The following HMCN2 variants were observed in gnomAD, a reference collection of about 807,000 sequenced individuals.
HMCN2 encodes the protein hemicentin-2.
HMCN2 carries 325 observed loss-of-function variants against 377.5 expected under a neutral mutation model. The ratio of observed to expected loss-of-function variants is 0.86; its 90% CI spans 0.79 to 0.94. The LOEUF is 0.94. HMCN2 is among the 40% of genes least tolerant of loss of function. HMCN2 has a pLI of 0.00. For synonymous variants in HMCN2, 2,007 were observed against 2,046.8 expected (o/e 0.98, Z 0.53); for missense variants, 4,543 against 4,725.3 (o/e 0.96, Z 1.13).
intron 43 of HMCN2, among the ~76,000 whole-genome samples, chr9:130,366,388 T>C (rs927595620): frequency 5.9e-5 from 9 of 152,000 alleles, no homozygotes; most frequent in African/African-American, 1.9e-4. Context: ...TGAGGCACCA[T>C]GTTGACCACC....
rs993878138 is a variant in HMCN2, at chr9:130,396,352, G to A, written c.11198+39G>A. The A allele has an allele frequency of 4.0e-6, 5 of 1,240,396 alleles. No individual in the cohort carries two copies. In the African/African-American group the frequency reaches 6.2e-5, roughly 15 times the overall value. 76.8% of individuals were successfully genotyped at this position (1,240,396 alleles called of 1,614,324 possible). A position where few individuals can be genotyped will look rare whatever the true frequency, so the allele number is the denominator to read the frequency against. ...GGGGTGGGCCTCAGGGAGGCTCTCAGGTGCCACTTTGTGGGTTGCAAATCA... is the reference window on the plus strand; with the variant it reads ...GGGGTGGGCCTCAGGGAGGCTCTCAAGTGCCACTTTGTGGGTTGCAAATCA... On this transcript the variant is annotated intron_variant, in intron 73 of 97. Coordinates refer to ENST00000683500, the MANE Select transcript of HMCN2 (RefSeq NM_001291815.2).
intron 15 of HMCN2, among the ~76,000 whole-genome samples, chr9:130,310,850 C>T (rs1837210295): frequency 6.6e-6 from 1 of 152,184 alleles, no homozygotes; most frequent in African/African-American, 2.4e-5. Flanking sequence ...CTCAGTTTCC[C>T]ATGTGTAAAG....
At chr9:130,403,099 T>C in intron 78 of HMCN2, 95 bp from the exon 79 acceptor site, 1 of 1,181,812 alleles carries the variant, frequency 8.5e-7, no homozygotes. Flanking sequence ...CCCGTTCTCC[T>C]TAGAGGCCTC....
chr9:130,396,437 A>C, intron 73 of HMCN2, 124 bp downstream of exon 73: 8 of 765,092 alleles, frequency 1.0e-5, no homozygotes, highest in Non-Finnish European at 1.3e-5. Context: ...GGGGTGTCTC[A>C]GAACACAAGG....
chr9:130,358,209 C>A, intron 35 of HMCN2, 181 bp from the exon 36 acceptor site: 2 of 486,210 alleles, frequency 4.1e-6, no homozygotes, highest in Non-Finnish European at 5.4e-6. Flanking sequence ...GAATGGTATG[C>A]CTGGAGATCG....
intron 1 of HMCN2, among the ~76,000 whole-genome samples, chr9:130,269,266 CTTTTTTTTTTT>C (rs56326154): frequency 8.6e-6 from 1 of 116,558 alleles, no homozygotes; most frequent in Admixed American, 8.7e-5. Flanking sequence ...GCCCTGGTTC[CTTTTTTTTTTT>C]TTTTTTTTTG....
intron 51 of HMCN2, among the ~76,000 whole-genome samples, 200 bp downstream of exon 51, chr9:130,376,189 C>A (rs1330059708): frequency 1.8e-4 from 28 of 152,178 alleles, no homozygotes; most frequent in Admixed American, 1.8e-3. Flanking sequence ...GCCACTTGGG[C>A]TCCCAGACCC....
rs903130151 is a variant in HMCN2 at position 130,327,853 on chromosome 9, G to A, written c.3359+378G>A. Among the ~76,000 whole-genome samples the A allele has an allele frequency of 5.2e-3, 788 of 152,314 alleles. 7 individuals carry two copies. The highest frequency in any genetic ancestry group is 0.016 in the African/African-American group (658 of 41,576). On this transcript the variant is annotated intron_variant, in intron 22 of 97. Transcript: ENST00000683500. ...AGGGCTGGGACCACGTCCCCGCCAC[G>A]ACACACACCACCCCCATGCCTGCTC...
rs1220816917 is a variant in HMCN2, at chr9:130,395,341, G to A, written c.10905G>A (p.Val3635=). 2 of 1,287,682 alleles carry A rather than the reference G, an allele frequency of 1.6e-6. No individual in the cohort carries two copies. The highest frequency in any genetic ancestry group is 4.6e-5 in the Admixed American group (2 of 43,206). The allele number at this position is 1,287,682 out of a possible 1,614,324, so 79.8% of individuals were successfully genotyped here. ...PKITWHRDGI[V]LQEDAHTQFP... ...TCACGTGGCACCGAGACGGCATTGT[G>A]CTGCAGGTGGGCGCCAGGCAGGGCC... is the stretch of plus-strand genomic sequence containing the variant. The change falls in exon 71 of 98, where the codon GTG becomes GTA. Residue 3635 remains valine, a synonymous_variant. Coordinates refer to ENST00000683500, the MANE Select transcript of HMCN2 (RefSeq NM_001291815.2).
intron 53 of HMCN2, among the ~76,000 whole-genome samples, chr9:130,378,137 C>G (rs945810205): frequency 6.6e-6 from 1 of 151,882 alleles, no homozygotes. Context: ...AATCTCTGGT[C>G]GAGAGTAAGC....
At chr9:130,403,370 G>T in intron 79 of HMCN2, 42 bp downstream of exon 79, 1 of 1,287,478 alleles carries the variant, frequency 7.8e-7, no homozygotes, top group Non-Finnish European at 1.0e-6. Flanking sequence ...GAAGAGAAGA[G>T]CGTGGGTCTG....
At chr9:130,412,601 G>C (rs1843488953) in intron 85 of HMCN2, among the ~76,000 whole-genome samples, 2 of 140,956 alleles carry the variant, frequency 1.4e-5, no homozygotes, top group Non-Finnish European at 3.0e-5. Context: ...TTTTGGGACA[G>C]AGTCTCACTC....
chr9:130,308,366 G>C lies in HMCN2; in HGVS notation c.2200+800G>C, dbSNP rs1353528815. 6.6e-6 allele frequency among the ~76,000 whole-genome samples: 1 copy of C among 152,206 alleles called. No homozygotes were observed. Among genetic ancestry groups the C allele is most frequent in the South Asian group, 2.1e-4 (1 of 4,834 alleles). Reference sequence around the variant, plus strand: ...CTGAAAATGACAGCAATAATGACAGGGTTGTCCTGAGGCCCTGAGGTCATG... The same window carrying C: ...CTGAAAATGACAGCAATAATGACAGCGTTGTCCTGAGGCCCTGAGGTCATG... On this transcript the variant is annotated intron_variant, in intron 14 of 97. Coordinates refer to ENST00000683500, the MANE Select transcript of HMCN2 (RefSeq NM_001291815.2). This position sits in a 1 kb window ranked among gnomAD's most constrained non-coding sequence, Gnocchi z 4.1.
intron 21 of HMCN2, 68 bp downstream of exon 21, chr9:130,326,038 A>C (rs1838118794): frequency 6.6e-6 from 1 of 152,282 alleles, no homozygotes. Flanking sequence ...GTCCCACGTC[A>C]GCCCTGTGGA....
chr9:130,426,057 C>A, intron 90 of HMCN2, 133 bp downstream of exon 90: 1 of 714,634 alleles, frequency 1.4e-6, no homozygotes, highest in Non-Finnish European at 2.3e-6. Flanking sequence ...CAGACTGAGA[C>A]GGCCCGGCTG....
intron 54 of HMCN2, among the ~76,000 whole-genome samples, chr9:130,379,932 A>G (rs1365984905): frequency 2.6e-5 from 4 of 151,952 alleles, no homozygotes; most frequent in Admixed American, 6.6e-5. Flanking sequence ...CTGGAGTGCA[A>G]TGGTGCAACC....
intron 25 of HMCN2, among the ~76,000 whole-genome samples, chr9:130,345,162 T>G (rs1162136359): frequency 1.3e-5 from 2 of 148,534 alleles, no homozygotes; most frequent in African/African-American, 5.0e-5. Context: ...GTATATTGTG[T>G]GTGGTGTGTG....
At chr9:130,316,230 G>A (rs1440234165) in intron 15 of HMCN2, among the ~76,000 whole-genome samples, 1 of 152,174 alleles carries the variant, frequency 6.6e-6, no homozygotes, top group African/African-American at 2.4e-5. Flanking sequence ...CAGCGTCAGG[G>A]ACTGTACCCT....
rs553218273 is a variant in HMCN2 at position 130,424,790 on chromosome 9, G to T, written c.13396G>T (p.Val4466Leu). ...GCCCCACCCAGGGCCTCTGATGCGG[G>T]TGCTCGTGGTCACCATCGCCCCCAT... ...VPANVGPLMR[V>L]LVVTIAPIYW... The change falls in exon 88 of 98, where the codon GTG becomes TTG. Residue 4466 changes from valine to leucine, a missense_variant. Val to Leu is a conservative substitution (Grantham distance 32). Transcript: ENST00000683500. 30 of 1,539,878 alleles carry T rather than the reference G, an allele frequency of 1.9e-5. No individual in the cohort carries two copies. In the East Asian group the frequency reaches 5.9e-4, roughly 30 times the overall value.
Sources: allele counts gnomAD v4.1 joint callset (sites outside exome capture counted in the v4.1 genomes callset), GRCh38; gene constraint gnomAD v4.1.1; non-coding constraint Gnocchi (gnomAD v3.1); transcripts MANE v1.5; gene names NCBI Gene and HGNC (gene_info 2026-07-23, HGNC 2026-07-21).